The following MCM5 variants were observed in gnomAD, a reference collection of about 807,000 sequenced individuals.
MCM5 encodes the protein minichromosome maintenance complex component 5, also known as DNA replication licensing factor MCM5.
Under a neutral mutation model 79.9 loss-of-function variants are expected in MCM5, and 46 were observed. The observed-to-expected ratio is 0.58, with a 90% CI of 0.45 to 0.74. MCM5 has a LOEUF of 0.74. Ranked by LOEUF, MCM5 falls within the 30% of genes least tolerant of loss-of-function variation. The pLI is 0.00. For missense variants in MCM5, 883 were observed against 1,017.0 expected (o/e 0.87, Z 1.79); for synonymous variants, 404 against 390.5 (o/e 1.03, Z -0.41).
chr22:35,453,197 G>A, the MCM5 span, among the ~76,000 whole-genome samples: 1 of 152,190 alleles, frequency 6.6e-6, no homozygotes, highest in Admixed American at 6.5e-5. Flanking sequence ...CTGCAGACAC[G>A]CAGCCTCCCT....
chr22:35,403,143 A>G (rs1432839943), intron 2 of MCM5, 64 bp from the exon 3 acceptor site: 5 of 1,591,218 alleles, frequency 3.1e-6, no homozygotes, highest in Non-Finnish European at 4.3e-6. Context: ...GGCACACCTC[A>G]GCCAGTGTTG....
At chr22:35,438,888 C>CATCCATCCATCT in the MCM5 span, among the ~76,000 whole-genome samples, 1 of 148,300 alleles carries the variant, frequency 6.7e-6, no homozygotes, top group South Asian at 2.2e-4. Flanking sequence ...TCCATCCATC[C>CATCCATCCATCT]ATCTACATAT....
the MCM5 span, among the ~76,000 whole-genome samples, chr22:35,453,202 C>T: frequency 6.6e-6 from 1 of 152,230 alleles, no homozygotes; most frequent in Admixed American, 6.5e-5. Flanking sequence ...GACACGCAGC[C>T]TCCCTGGGTC....
At chr22:35,436,180 A>AAG in the MCM5 span, among the ~76,000 whole-genome samples, 4 of 43,496 alleles carry the variant, frequency 9.2e-5, no homozygotes, top group East Asian at 1.6e-3. Context: ...AAAAAAAAAA[A>AAG]AAAGAAAAAA....
intron 15 of MCM5, chr22:35,421,766 TGTCAGCATTTTCA>T (rs1399082036): frequency 7.1e-6 from 3 of 424,754 alleles, no homozygotes; most frequent in African/African-American, 6.1e-5. Context: ...TCCTAGAGCT[TGTCAGCATTTTCA>T]GTGCTTCCAG....
intron 1 of MCM5, 55 bp downstream of exon 1, chr22:35,400,263 C>T: frequency 1.5e-6 from 1 of 673,032 alleles, no homozygotes; most frequent in Non-Finnish European, 2.6e-6. Flanking sequence ...TCTGGATTTC[C>T]GGGTGTAGTT....
At chr22:35,435,349 A>C in the MCM5 span, among the ~76,000 whole-genome samples, 1 of 152,020 alleles carries the variant, frequency 6.6e-6, no homozygotes, top group East Asian at 1.9e-4. Flanking sequence ...GCTGTCTCTC[A>C]GGGCCGCGGT....
At chr22:35,401,351 C>T (rs1272982111) in intron 2 of MCM5, 1 of 467,746 alleles carries the variant, frequency 2.1e-6, no homozygotes, top group South Asian at 1.6e-5. Context: ...TCACTTCGCT[C>T]ATTCATTTAT....
chr22:35,428,992 T>C (rs1932795446), downstream of MCM5, among the ~76,000 whole-genome samples: 2 of 142,066 alleles, frequency 1.4e-5, no homozygotes, highest in South Asian at 4.7e-4. Flanking sequence ...TTTTTTTTTT[T>C]TTTTTCTTTT....
the MCM5 span, among the ~76,000 whole-genome samples, chr22:35,432,474 G>A: frequency 1.3e-5 from 2 of 152,186 alleles, no homozygotes; most frequent in Non-Finnish European, 1.5e-5. Flanking sequence ...CACACAGAAC[G>A]TGCTCCTTGT....
At chr22:35,400,358 G>A in intron 1 of MCM5, 73 bp from the exon 2 acceptor site, 6 of 1,565,778 alleles carry the variant, frequency 3.8e-6, no homozygotes, top group Non-Finnish European at 5.3e-6. Context: ...TCAGGGCAGG[G>A]ACCCAGGCGT....
the MCM5 span, among the ~76,000 whole-genome samples, chr22:35,430,746 C>T: frequency 6.6e-6 from 1 of 150,986 alleles, no homozygotes; most frequent in Non-Finnish European, 1.5e-5. Context: ...TCCTGACCTC[C>T]TGATCCACCT....
rs2145805207 is a variant in MCM5, at chr22:35,424,355, C to G, written c.*100C>G. On this transcript the variant is annotated 3_prime_UTR_variant, in exon 17 of 17. Transcript: ENST00000216122. ...TGCTGGGACCTCTGCCTCCCCACTG[C>G]AGCCCTCGAACTTCCCAGGCACCCT... The G allele has an allele frequency of 1.2e-6, 1 of 867,286 alleles. No homozygotes were observed. The highest frequency in any genetic ancestry group is 2.8e-5 in the East Asian group (1 of 35,206). 53.7% of individuals were successfully genotyped at this position (867,286 alleles called of 1,614,324 possible).
chr22:35,453,849 T>TAGGGAG, the MCM5 span, among the ~76,000 whole-genome samples: 14 of 77,830 alleles, frequency 1.8e-4, no homozygotes, highest in Admixed American at 6.1e-4. Context: ...GAGAGAGAGA[T>TAGGGAG]AGGGAGAGGG....
In MCM5 at chr22:35,421,391, G is replaced by A. The variant is rs1216209991; in HGVS notation, c.1906G>A (p.Asp636Asn). Residue 636 changes from aspartate to asparagine, a missense_variant, in exon 15 of 17, where the codon GAT becomes AAT. Coordinates refer to ENST00000216122, the MANE Select transcript of MCM5 (RefSeq NM_006739.4). The stretch of plus-strand genomic sequence containing the variant: ...GCTGCAGCCCTTCGCCACAGAGGCA[G>A]ATGTGGAGGAGGCCCTGCGGCTCTT... ...MKLQPFATEA[D>N]VEEALRLFQV... 3 of 1,614,046 alleles carry A rather than the reference G, an allele frequency of 1.9e-6. No homozygotes were observed. The African/African-American group carries it at 4.0e-5, about 22-fold the overall frequency.
At chr22:35,450,575 G>A in the MCM5 span, among the ~76,000 whole-genome samples, 1 of 152,098 alleles carries the variant, frequency 6.6e-6, no homozygotes, top group Non-Finnish European at 1.5e-5. Context: ...TTCAGGGTTG[G>A]CCCTTTCACT....
At chr22:35,418,969 C>G (rs133425) in intron 13 of MCM5, among the ~76,000 whole-genome samples, 17,335 of 152,210 alleles carry the variant, frequency 0.11, 1,275 homozygotes, top group African/African-American at 0.2. Context: ...TGCTTCGATT[C>G]TTGTCGTACA....
At chr22:35,409,739 T>G (rs1029727003) in intron 6 of MCM5, 2 of 152,206 alleles carry the variant, frequency 1.3e-5, no homozygotes, top group Non-Finnish European at 2.9e-5. Context: ...GATCTGTAGC[T>G]TCTGTTAACT....
Position 35,414,929 on chromosome 22 carries a change from G to A in MCM5, c.1204-900G>A, listed in dbSNP as rs532005370. Among the ~76,000 whole-genome samples the A allele has an allele frequency of 2.8e-3, 434 of 152,294 alleles. 2 individuals are homozygous for A. Among genetic ancestry groups the A allele is most frequent in the African/African-American group, 0.01 (428 of 41,566 alleles). ...GAAGGTCTGACATGATCCGAGTGGC[G>A]GGGTTGTATAGGGCGAGATGGTGGT... is the stretch of plus-strand genomic sequence containing the variant. On this transcript the variant is annotated intron_variant, in intron 9 of 16. Coordinates refer to ENST00000216122, the MANE Select transcript of MCM5 (RefSeq NM_006739.4).
Sources: allele counts gnomAD v4.1 joint callset (sites outside exome capture counted in the v4.1 genomes callset), GRCh38; gene constraint gnomAD v4.1.1; transcripts MANE v1.5; gene names NCBI Gene and HGNC (gene_info 2026-07-23, HGNC 2026-07-21).